NELL1: variants seen among roughly 807,000 people sequenced by gnomAD.
NELL1 encodes neural EGFL like 1.
Under a neutral mutation model 107.4 loss-of-function variants are expected in NELL1, and 76 were observed. The observed-to-expected ratio is 0.71, with a 90% CI of 0.59 to 0.86. NELL1 has a LOEUF of 0.86. NELL1 is among the 40% of genes least tolerant of loss of function. NELL1 has a pLI of 0.00. For missense variants in NELL1, 1,024 were observed against 1,005.5 expected (o/e 1.02, Z -0.25); for synonymous variants, 353 against 341.2 (o/e 1.03, Z -0.38).
chr11:20,694,332 T>A (rs1854555468), intron 2 of NELL1, among the ~76,000 whole-genome samples: 2 of 152,162 alleles, frequency 1.3e-5, no homozygotes, highest in Admixed American at 6.6e-5. Flanking sequence ...AGCCATAAAT[T>A]CTTTGTCAAA....
chr11:21,215,718 A>G (rs1857599163), intron 13 of NELL1, among the ~76,000 whole-genome samples: 1 of 152,182 alleles, frequency 6.6e-6, no homozygotes, highest in Non-Finnish European at 1.5e-5. Context: ...TGCCCTAGAG[A>G]TCTTTGGAAC....
chr11:21,228,853 G>A lies in NELL1; in HGVS notation c.1427-479G>A, dbSNP rs919764863. 1.0e-3 allele frequency among the ~76,000 whole-genome samples: 150 copies of A among 150,526 alleles called. 1 individual carries two copies. The highest frequency in any genetic ancestry group is 1.5e-4 in the Non-Finnish European group (10 of 67,716). ...ATTTTAGGCTGGCTAGTTCTTTGTTGTTTTGAGCTCTTCTGCACATTGTAC... is the reference window on the plus strand; with the variant it reads ...ATTTTAGGCTGGCTAGTTCTTTGTTATTTTGAGCTCTTCTGCACATTGTAC... On this transcript the variant is annotated intron_variant, in intron 13 of 19. Coordinates refer to ENST00000357134, the MANE Select transcript of NELL1 (RefSeq NM_006157.5).
At chr11:21,081,743 G>T (rs1176990758) in intron 12 of NELL1, among the ~76,000 whole-genome samples, 3 of 152,040 alleles carry the variant, frequency 2.0e-5, no homozygotes, top group African/African-American at 7.2e-5. Context: ...CCTCCTTTCT[G>T]CTCTCCATAT....
chr11:21,476,549 C>T (rs73469124), intron 15 of NELL1, among the ~76,000 whole-genome samples: 14,046 of 151,898 alleles, frequency 0.092, 1,064 homozygotes, highest in African/African-American at 0.2. Context: ...GCAAGATAGC[C>T]GAATAGAAGC....
At chr11:21,314,473 G>A (rs1849828638) in intron 14 of NELL1, among the ~76,000 whole-genome samples, 1 of 152,092 alleles carries the variant, frequency 6.6e-6, no homozygotes, top group Non-Finnish European at 1.5e-5. Context: ...TAGAAATAAG[G>A]CACTTTAGCA....
chr11:20,895,297 A>G (rs1448471385), intron 5 of NELL1, among the ~76,000 whole-genome samples: 2 of 134,960 alleles, frequency 1.5e-5, no homozygotes, highest in Non-Finnish European at 3.2e-5. Context: ...AAAAAAAAAA[A>G]AAAAAAAAAA....
chr11:20,976,076 A>G (rs1000046740), intron 12 of NELL1, among the ~76,000 whole-genome samples: 1 of 147,488 alleles, frequency 6.8e-6, no homozygotes, highest in Non-Finnish European at 1.5e-5. Context: ...ACATATATGT[A>G]TTATATACAT....
intron 10 of NELL1, among the ~76,000 whole-genome samples, chr11:20,941,138 C>A (rs879763339): frequency 4.0e-5 from 6 of 151,448 alleles, no homozygotes; most frequent in Non-Finnish European, 7.4e-5. Flanking sequence ...GACGCCATCT[C>A]AAAAAAAAGT....
chr11:20,721,168 A>G (rs1049695368), intron 2 of NELL1, among the ~76,000 whole-genome samples: 3 of 53,468 alleles, frequency 5.6e-5, no homozygotes, highest in Admixed American at 2.8e-4. Flanking sequence ...TGAGATATAG[A>G]TATATATTTT....
rs187772570 is a variant in NELL1 at position 21,381,606 on chromosome 11, A to T, written c.1645+10658A>T. Among the ~76,000 whole-genome samples, 4 of 152,068 alleles carry T rather than the reference A, an allele frequency of 2.6e-5. No homozygotes were observed. The East Asian group carries it at 7.8e-4, about 30-fold the overall frequency. On this transcript the variant is annotated intron_variant, in intron 15 of 19. Transcript: ENST00000357134. Reference sequence around the variant, plus strand: ...TCAGAAATAATAGGCTGCTTGCCCAAGGATACTCAGCAGGTAAACAGTAAA... The same window carrying T: ...TCAGAAATAATAGGCTGCTTGCCCATGGATACTCAGCAGGTAAACAGTAAA...
At chr11:21,337,820 C>CT (rs746102873) in intron 14 of NELL1, among the ~76,000 whole-genome samples, 19 of 27,264 alleles carry the variant, frequency 7.0e-4, no homozygotes, top group Admixed American at 1.1e-3. Flanking sequence ...TGCTTTCCTT[C>CT]TTTCTTTCTT....
At chr11:20,986,520 T>C (rs1405823845) in intron 12 of NELL1, among the ~76,000 whole-genome samples, 2 of 152,174 alleles carry the variant, frequency 1.3e-5, no homozygotes, top group Non-Finnish European at 2.9e-5. Flanking sequence ...TGCTGGTGGT[T>C]CACAAATTTC....
chr11:21,481,671 A>G (rs1022435830), intron 15 of NELL1, among the ~76,000 whole-genome samples: 1 of 152,172 alleles, frequency 6.6e-6, no homozygotes, highest in Non-Finnish European at 1.5e-5. Flanking sequence ...ATGGCTGGAC[A>G]TTGTTGAGAC....
At chr11:21,574,239 C>G (rs1399037071) in intron 19 of NELL1, among the ~76,000 whole-genome samples, 2 of 108,504 alleles carry the variant, frequency 1.8e-5, no homozygotes, top group East Asian at 5.0e-4. Context: ...CCTCTTTATG[C>G]TGTTATAAAT....
chr11:20,917,981 T>A (rs1271188024), intron 5 of NELL1, among the ~76,000 whole-genome samples: 1 of 151,960 alleles, frequency 6.6e-6, no homozygotes, highest in African/African-American at 2.4e-5. Flanking sequence ...AATTGGAGCT[T>A]TCTCCACATA....
chr11:21,244,816 G>A (rs1858449842), intron 14 of NELL1, among the ~76,000 whole-genome samples: 1 of 152,174 alleles, frequency 6.6e-6, no homozygotes, highest in South Asian at 2.1e-4. Context: ...GGTTTCTGGA[G>A]CTAGACTGCT....
At chr11:20,781,183 C>G (rs975574399) in intron 2 of NELL1, among the ~76,000 whole-genome samples, 3 of 151,952 alleles carry the variant, frequency 2.0e-5, no homozygotes, top group African/African-American at 7.3e-5. Flanking sequence ...ACATGGGAGC[C>G]CACTTAACTT....
intron 12 of NELL1, among the ~76,000 whole-genome samples, chr11:21,041,080 C>T (rs570933549): frequency 7.2e-5 from 11 of 152,184 alleles, no homozygotes; most frequent in South Asian, 2.1e-4. Flanking sequence ...CTACAATATA[C>T]GATTATGTTG....
chr11:20,889,302 G>A (rs1441299503), intron 5 of NELL1, among the ~76,000 whole-genome samples: 1 of 152,184 alleles, frequency 6.6e-6, no homozygotes, highest in Non-Finnish European at 1.5e-5. Flanking sequence ...TTTTTAAACA[G>A]TAAAAGCAGA....
Sources: allele counts gnomAD v4.1 joint callset (sites outside exome capture counted in the v4.1 genomes callset), GRCh38; gene constraint gnomAD v4.1.1; transcripts MANE v1.5; gene names NCBI Gene and HGNC (gene_info 2026-07-23, HGNC 2026-07-21).